CRYL1: variants seen among roughly 807,000 people sequenced by gnomAD.
CRYL1 encodes crystallin lambda 1, also known as lambda-crystallin homolog.
CRYL1 carries 29 observed loss-of-function variants against 36.6 expected under a neutral mutation model. The observed-to-expected ratio is 0.79, with a 90% CI of 0.59 to 1.08. The LOEUF is 1.08. Ranked by LOEUF, CRYL1 falls within the 50% of genes least tolerant of loss-of-function variation. The pLI, the probability that CRYL1 is intolerant of heterozygous loss-of-function variation, is 0.00. For missense variants in CRYL1, 411 were observed against 407.9 expected (o/e 1.01, Z -0.06); for synonymous variants, 152 against 151.5 (o/e 1.00, Z -0.02).
At chr13:20,511,122 CTGCCCAGGCTGGAGT>C (rs2033909528) in intron 2 of CRYL1, among the ~76,000 whole-genome samples, 2 of 152,094 alleles carry the variant, frequency 1.3e-5, no homozygotes, top group Admixed American at 1.3e-4. Flanking sequence ...TCTCACTCTG[CTGCCCAGGCTGGAGT>C]ACAGTGGTGC....
chr13:20,454,715 G>A (rs186031541), intron 3 of CRYL1, among the ~76,000 whole-genome samples: 3 of 152,206 alleles, frequency 2.0e-5, no homozygotes, highest in Admixed American at 1.3e-4. Context: ...CACCGCACCC[G>A]ACCCATTCAT....
At position 20,420,701 on chromosome 13, in the gene CRYL1, T is replaced by TTTTTTTTTTTTTTG; in HGVS notation, c.634-7315_634-7314insCAAAAAAAAAAAAA. Among the ~76,000 whole-genome samples, 22 of 21,872 alleles carry TTTTTTTTTTTTTTG rather than the reference T, an allele frequency of 1.0e-3. 3 individuals are homozygous for TTTTTTTTTTTTTTG. Among genetic ancestry groups the TTTTTTTTTTTTTTG allele is most frequent in the African/African-American group, 1.6e-3 (15 of 9,518 alleles). 14.3% of individuals were successfully genotyped at this position (21,872 alleles called of 152,430 possible). ...CTTTGACTTTTCTTTAAAATAGAGG[T>TTTTTTTTTTTTTTG]TGTGTGTGTGTGTGTGTGTGTGTGT... On this transcript the variant is annotated intron_variant, in intron 5 of 7. Coordinates refer to ENST00000298248, the MANE Select transcript of CRYL1 (RefSeq NM_015974.3).
intron 3 of CRYL1, among the ~76,000 whole-genome samples, chr13:20,449,737 CA>C (rs1473785332): frequency 6.6e-6 from 1 of 152,104 alleles, no homozygotes; most frequent in Non-Finnish European, 1.5e-5. Flanking sequence ...TAAATGACTT[CA>C]ATAAAGTTTC....
At position 20,436,165 on chromosome 13, in the gene CRYL1, C is replaced by G. The variant is rs192351276; in HGVS notation, c.438+3428G>C. On this transcript the variant is annotated intron_variant, in intron 4 of 7. Coordinates refer to ENST00000298248, the MANE Select transcript of CRYL1 (RefSeq NM_015974.3). ...GCGGGCTAACTGGTGGCCTCTCCCC[C>G]AACGCCCACCGCACGCCCCAGTCTG... Among the ~76,000 whole-genome samples the G allele has an allele frequency of 2.7e-3, 414 of 152,206 alleles. 2 individuals carry two copies. Among genetic ancestry groups the G allele is most frequent in the African/African-American group, 9.5e-3 (395 of 41,548 alleles).
chr13:20,427,383 G>A (rs576539498), intron 5 of CRYL1: 6 of 887,792 alleles, frequency 6.8e-6, no homozygotes, highest in Admixed American at 6.2e-5. Flanking sequence ...TTGGCTATCC[G>A]GGTGTCCATT....
chr13:20,441,013 C>T (rs569956517), intron 3 of CRYL1, among the ~76,000 whole-genome samples: 17 of 152,240 alleles, frequency 1.1e-4, no homozygotes, highest in Admixed American at 3.9e-4. Context: ...AGGTGGAAGA[C>T]GCAAGAGCTG....
At chr13:20,460,894 T>G (rs1468038572) in intron 3 of CRYL1, among the ~76,000 whole-genome samples, 1 of 152,116 alleles carries the variant, frequency 6.6e-6, no homozygotes, top group Non-Finnish European at 1.5e-5. Context: ...TACAGAAGAA[T>G]GTATATAGTA....
intron 6 of CRYL1, chr13:20,406,027 G>C (rs2031365465): frequency 1.3e-5 from 2 of 152,418 alleles, no homozygotes; most frequent in South Asian, 4.1e-4. Context: ...GGCGTTTCTA[G>C]TCCTGGGCGC....
chr13:20,497,295 AACTACACACACCGCATATACAC>A lies in CRYL1; in HGVS notation c.150-7821_150-7800del, dbSNP rs1565983589. Reference sequence around the variant, plus strand: ...ACTACACACACACCACCATACACACAACTACACACACCGCATATACACACTACACACACACCACCACACACAC... The same window carrying A: ...ACTACACACACACCACCATACACACAACTACACACACACCACCACACACAC... On this transcript the variant is annotated intron_variant, in intron 2 of 7. Transcript: ENST00000298248. 1.9e-4 allele frequency among the ~76,000 whole-genome samples: 28 copies of A among 146,376 alleles called. 1 individual carries two copies. The highest frequency in any genetic ancestry group is 6.6e-4 in the African/African-American group (25 of 38,026).
chr13:20,443,337 T>A (rs2032386395), intron 3 of CRYL1, among the ~76,000 whole-genome samples: 2 of 152,308 alleles, frequency 1.3e-5, no homozygotes, highest in South Asian at 4.1e-4. Flanking sequence ...AAAAAAAAAT[T>A]CTGTCAAGTT....
rs923979440 is a variant in CRYL1, at chr13:20,446,623, G to A, written c.277-6869C>T. ...GATGACCAATAGGGTGACAAAAGCT[G>A]CTGTCAGCTCATTCTCACACCTAGG... On this transcript the variant is annotated intron_variant, in intron 3 of 7. Transcript: ENST00000298248. 4.6e-5 allele frequency among the ~76,000 whole-genome samples: 7 copies of A among 152,310 alleles called. No individual in the cohort carries two copies. The East Asian group carries it at 1.3e-3, about 29-fold the overall frequency.
intron 3 of CRYL1, among the ~76,000 whole-genome samples, chr13:20,443,671 G>C (rs1303829215): frequency 1.3e-5 from 2 of 152,114 alleles, no homozygotes; most frequent in Non-Finnish European, 2.9e-5. Flanking sequence ...GGGATTACAG[G>C]TGTAAGCCAC....
rs1488010399 is a variant in CRYL1, at chr13:20,415,497, G to T, written c.634-2110C>A. On this transcript the variant is annotated intron_variant, in intron 5 of 7. Transcript: ENST00000298248. This position sits in a 1 kb window ranked among gnomAD's most constrained non-coding sequence, Gnocchi z 4.1. Reference sequence around the variant, plus strand: ...AGCGGGAGCAGGCGGCCTGGCCCAGGAGCCAGGACGGCCACAGCCACGCCA... The same window carrying T: ...AGCGGGAGCAGGCGGCCTGGCCCAGTAGCCAGGACGGCCACAGCCACGCCA... Among the ~76,000 whole-genome samples, 1 of 152,210 alleles carries T rather than the reference G, an allele frequency of 6.6e-6. No homozygotes were observed. The highest frequency in any genetic ancestry group is 1.5e-5 in the Non-Finnish European group (1 of 68,018).
chr13:20,411,755 T>C (rs2031530266), intron 6 of CRYL1, among the ~76,000 whole-genome samples: 1 of 152,180 alleles, frequency 6.6e-6, no homozygotes. Flanking sequence ...AGTGGTTATC[T>C]TCCCATAAAA....
intron 3 of CRYL1, chr13:20,440,053 A>C: frequency 3.6e-6 from 1 of 274,182 alleles, no homozygotes; most frequent in African/African-American, 2.1e-5. Flanking sequence ...GAGAAAAACA[A>C]TCTCCTTGTC....
At chr13:20,463,487 T>C (rs1267787620) in intron 3 of CRYL1, among the ~76,000 whole-genome samples, 4 of 152,200 alleles carry the variant, frequency 2.6e-5, no homozygotes, top group African/African-American at 7.2e-5. Flanking sequence ...ATGACTTCTG[T>C]CTCATGAGCT....
At position 20,432,249 on chromosome 13, in the gene CRYL1, C is replaced by T. The variant is rs200636861; in HGVS notation, c.486G>A (p.Pro162=). The part of the protein sequence containing the change: ...YIPLVELVPH[P]ETAPTTVDRT... ...TGTCCACTGTCGTAGGGGCCGTCTC[C>T]GGGTGGGGGACCAGCTCAACCAGCG... Residue 162 remains proline (P), a synonymous_variant, in exon 5 of 8, where the codon CCG becomes CCA. Transcript: ENST00000298248. 57 of 1,613,348 alleles carry T rather than the reference C, an allele frequency of 3.5e-5. No homozygotes were observed. The African/African-American group carries it at 4.9e-4, about 14-fold the overall frequency.
chr13:20,502,064 G>A (rs921219052), intron 2 of CRYL1, among the ~76,000 whole-genome samples: 5 of 152,136 alleles, frequency 3.3e-5, no homozygotes, highest in Admixed American at 3.3e-4. Flanking sequence ...AGTAGCTCCA[G>A]ACTTCCGTTT....
chr13:20,492,431 C>T (rs1020759055), intron 2 of CRYL1, among the ~76,000 whole-genome samples: 3 of 152,114 alleles, frequency 2.0e-5, no homozygotes, highest in Non-Finnish European at 4.4e-5. Context: ...AGGTCAGAAA[C>T]CCCAAGTAGA....
Sources: allele counts gnomAD v4.1 joint callset (sites outside exome capture counted in the v4.1 genomes callset), GRCh38; gene constraint gnomAD v4.1.1; non-coding constraint Gnocchi (gnomAD v3.1); transcripts MANE v1.5; gene names NCBI Gene and HGNC (gene_info 2026-07-23, HGNC 2026-07-21).